The following TRAM2 variants were observed in gnomAD, a reference collection of about 807,000 sequenced individuals.
TRAM2 encodes translocating chain-associated membrane protein 2.
Under a neutral mutation model 51.0 loss-of-function variants are expected in TRAM2, and 12 were observed. The observed-to-expected ratio is 0.24, with a 90% CI of 0.15 to 0.38. The LOEUF is 0.38. TRAM2 is among the 10% of genes least tolerant of loss of function. The probability of loss-of-function intolerance (pLI) is 1.00; values close to 1 mark genes in which losing one functional copy is unlikely to be tolerated. For synonymous variants in TRAM2, 175 were observed against 179.4 expected, an observed-to-expected ratio of 0.98 and a Z score of 0.20; for missense variants, 361 against 462.0, an observed-to-expected ratio of 0.78 and a Z score of 2.00.
intron 2 of TRAM2, chr6:52,523,301 G>C: frequency 5.5e-6 from 1 of 181,316 alleles, no homozygotes; most frequent in Non-Finnish European, 1.1e-5. Context: ...TTACAATTCA[G>C]ATCAGAGACA....
Position 52,546,071 on chromosome 6 carries a change from T to C in TRAM2, c.121-10225A>G, listed in dbSNP as rs546121531. On this transcript the variant is annotated intron_variant, in intron 1 of 10. Transcript: ENST00000182527. ...TGGAGAGGCTCCTGACTGTGAGAAC[T>C]GAGGCTGCCCCACCCCAGGGAAAAC... 2.6e-5 allele frequency among the ~76,000 whole-genome samples: 4 copies of C among 152,230 alleles called. No individual in the cohort carries two copies. In the South Asian group the frequency reaches 8.3e-4, roughly 32 times the overall value.
chr6:52,570,798 C>G (rs564929633), intron 1 of TRAM2, among the ~76,000 whole-genome samples: 17 of 114,662 alleles, frequency 1.5e-4, no homozygotes, highest in East Asian at 1.4e-3. Flanking sequence ...GCCCACCACC[C>G]CCCCCCCCAC....
intron 2 of TRAM2, among the ~76,000 whole-genome samples, chr6:52,535,040 G>A (rs1384376806): frequency 6.6e-6 from 1 of 151,000 alleles, no homozygotes; most frequent in Non-Finnish European, 1.5e-5. Flanking sequence ...CCTGAGGTTT[G>A]GTCCTTACCC....
intron 2 of TRAM2, among the ~76,000 whole-genome samples, chr6:52,522,242 T>C (rs1384559371): frequency 1.3e-5 from 2 of 152,244 alleles, no homozygotes; most frequent in Admixed American, 1.3e-4. Context: ...AGCCTCGATG[T>C]CAGGAACACA....
chr6:52,548,551 C>T (rs1018511303), intron 1 of TRAM2, among the ~76,000 whole-genome samples: 67 of 152,358 alleles, frequency 4.4e-4, no homozygotes, highest in Admixed American at 4.3e-3. Flanking sequence ...AATGATCTCA[C>T]TTAATGCTCC....
chr6:52,574,799 C>T (rs1002481977), intron 1 of TRAM2, among the ~76,000 whole-genome samples: 3 of 152,040 alleles, frequency 2.0e-5, no homozygotes, highest in African/African-American at 7.2e-5. Flanking sequence ...GACTAGAGAC[C>T]CAGGGAAGGA....
intron 1 of TRAM2, among the ~76,000 whole-genome samples, chr6:52,571,765 T>C (rs1288137377): frequency 6.6e-6 from 1 of 152,090 alleles, no homozygotes; most frequent in Admixed American, 6.6e-5. Flanking sequence ...TCAAAACATA[T>C]CATCTCTAAA....
chr6:52,499,570 ACT>A lies in TRAM2; in HGVS notation c.*3625_*3626del, dbSNP rs895604374. ...GTTGTGGAATCCTGGGAGGAGATGC[ACT>A]CTTTCACCCAACCTCTTATTAGCTG... On this transcript the variant is annotated 3_prime_UTR_variant, in exon 11 of 11. Coordinates refer to ENST00000182527, the MANE Select transcript of TRAM2 (RefSeq NM_012288.4). 9 of 152,016 alleles carry A rather than the reference ACT, an allele frequency of 5.9e-5. No homozygotes were observed. Among genetic ancestry groups the A allele is most frequent in the Non-Finnish European group, 1.3e-4 (9 of 68,012 alleles). The allele number at this position is 152,016 out of a possible 1,614,324, so 9.4% of individuals were successfully genotyped here. A position where few individuals can be genotyped will look rare whatever the true frequency, so the allele number is the denominator to read the frequency against.
chr6:52,516,789 T>G (rs1161248289), intron 2 of TRAM2, 52 bp from the exon 3 acceptor site: 1 of 1,433,570 alleles, frequency 7.0e-7, no homozygotes. Context: ...GGAAATACTC[T>G]GGGACCCAAA....
chr6:52,576,975 A>C lies in TRAM2; in HGVS notation c.-60T>G. On this transcript the variant is annotated 5_prime_UTR_variant, in exon 1 of 11. Transcript: ENST00000182527. ...CCCTGCGCTCACGAACCGCAGCGCA[A>C]ACTTCTCCAGCACCGGCCCGGTCCG... The C allele has an allele frequency of 6.6e-7, 1 of 1,521,250 alleles. No homozygotes were observed. The highest frequency in any genetic ancestry group is 8.8e-7 in the Non-Finnish European group (1 of 1,136,944). 94.2% of individuals were successfully genotyped at this position (1,521,250 alleles called of 1,614,324 possible).
intron 1 of TRAM2, among the ~76,000 whole-genome samples, chr6:52,554,676 A>G (rs542773942): frequency 6.6e-6 from 1 of 152,160 alleles, no homozygotes; most frequent in Non-Finnish European, 1.5e-5. Flanking sequence ...CACCATTTCA[A>G]CAACCATTTC....
At chr6:52,541,255 C>T (rs1235974659) in intron 1 of TRAM2, among the ~76,000 whole-genome samples, 1 of 152,208 alleles carries the variant, frequency 6.6e-6, no homozygotes, top group African/African-American at 2.4e-5. Context: ...TTAATGTTAT[C>T]GAGTGCTTAT....
intron 1 of TRAM2, among the ~76,000 whole-genome samples, chr6:52,548,470 A>C (rs1337853967): frequency 1.3e-5 from 2 of 152,244 alleles, no homozygotes; most frequent in African/African-American, 4.8e-5. Flanking sequence ...CAACTCTATA[A>C]GGAACTGCTA....
At chr6:52,513,824 T>C (rs1766494215) in intron 4 of TRAM2, among the ~76,000 whole-genome samples, 1 of 152,224 alleles carries the variant, frequency 6.6e-6, no homozygotes, top group Non-Finnish European at 1.5e-5. Context: ...AAAAGATCCA[T>C]CTGGCTGAGC....
intron 1 of TRAM2, among the ~76,000 whole-genome samples, chr6:52,560,769 A>C (rs1767485293): frequency 6.6e-6 from 1 of 152,240 alleles, no homozygotes; most frequent in African/African-American, 2.4e-5. Flanking sequence ...AATAATGGGC[A>C]ATATTCATAA....
intron 2 of TRAM2, among the ~76,000 whole-genome samples, chr6:52,526,154 C>CAG (rs1234762996): frequency 6.0e-3 from 3 of 498 alleles, no homozygotes; most frequent in Non-Finnish European, 0.012. Context: ...CACAGACAGA[C>CAG]ACACACACAC....
intron 2 of TRAM2, chr6:52,524,037 T>C (rs1766726051): frequency 6.6e-6 from 1 of 152,192 alleles, no homozygotes; most frequent in South Asian, 2.1e-4. Flanking sequence ...ATGTAAGCAA[T>C]AGAGCGATTT....
chr6:52,507,620 C>T lies in TRAM2; in HGVS notation c.559G>A (p.Glu187Lys). 1 of 1,614,060 alleles carries T rather than the reference C, an allele frequency of 6.2e-7. No homozygotes were observed. Among genetic ancestry groups the T allele is most frequent in the Non-Finnish European group, 8.5e-7 (1 of 1,180,006 alleles). ...ELYFQKVRKEEIPRQLQYICL... is the reference protein window; with the variant it reads ...ELYFQKVRKEKIPRQLQYICL... ...ATATACTGGAGCTGGCGGGGAATTT[C>T]CTCCTGGAAACAAGAGAAGCAGATG... Residue 187 changes from glutamate to lysine, a missense_variant, in exon 7 of 11, where the codon GAA becomes AAA. Physicochemically the swap from Glu to Lys is moderately conservative, Grantham distance 56. Transcript: ENST00000182527.
intron 1 of TRAM2, among the ~76,000 whole-genome samples, chr6:52,550,553 T>C (rs968728949): frequency 6.6e-6 from 1 of 152,158 alleles, no homozygotes. Flanking sequence ...TTTTATTTTT[T>C]ATTTTTATTT....
Sources: allele counts gnomAD v4.1 joint callset (sites outside exome capture counted in the v4.1 genomes callset), GRCh38; gene constraint gnomAD v4.1.1; transcripts MANE v1.5; gene names NCBI Gene and HGNC (gene_info 2026-07-23, HGNC 2026-07-21).